Variants in FARS2 observed in about 807,000 individuals in gnomAD.
FARS2 encodes phenylalanyl-tRNA synthetase 2, mitochondrial.
In FARS2, 40 loss-of-function variants were observed where a neutral mutation model predicts 46.4. The ratio of observed to expected loss-of-function variants is 0.86; its 90% CI spans 0.67 to 1.12. FARS2 has a LOEUF of 1.12. FARS2 is among the 50% of genes most tolerant of loss of function. The pLI is 0.00. For missense variants in FARS2, 513 were observed against 567.9 expected (o/e 0.90, Z 0.98); for synonymous variants, 234 against 214.9 (o/e 1.09, Z -0.78).
chr6:5,544,057 T>G (rs1200785870), intron 4 of FARS2, among the ~76,000 whole-genome samples: 2 of 152,276 alleles, frequency 1.3e-5, no homozygotes, highest in East Asian at 3.9e-4. Flanking sequence ...ACTCTGAAGC[T>G]GGGGTGCTAT....
At chr6:5,482,269 T>C (rs1384365891) in intron 4 of FARS2, among the ~76,000 whole-genome samples, 1 of 152,202 alleles carries the variant, frequency 6.6e-6, no homozygotes, top group Non-Finnish European at 1.5e-5. Flanking sequence ...TATCTTTCAA[T>C]TATTTTGGCA....
intron 4 of FARS2, among the ~76,000 whole-genome samples, chr6:5,497,364 G>C (rs757200101): frequency 5.3e-5 from 8 of 152,174 alleles, no homozygotes; most frequent in Admixed American, 1.3e-4. Context: ...CAGCATCGTT[G>C]CAACTCTGTT....
intron 2 of FARS2, among the ~76,000 whole-genome samples, chr6:5,397,835 A>G (rs1175966463): frequency 1.3e-5 from 2 of 152,212 alleles, no homozygotes; most frequent in African/African-American, 4.8e-5. Context: ...TGTATTTGAA[A>G]GGTACTGGCC....
At position 5,386,282 on chromosome 6, in the gene FARS2, G is replaced by A. The variant is rs567805553; in HGVS notation, c.612+17100G>A. ...TATGAAGGTGACGAGTCCCCGGAAT[G>A]TGTAGTGTGGAGCGTGGCACATTGG... On this transcript the variant is annotated intron_variant, in intron 2 of 6. Coordinates refer to ENST00000274680, the MANE Select transcript of FARS2 (RefSeq NM_006567.5). Among the ~76,000 whole-genome samples the A allele has an allele frequency of 8.5e-5, 13 of 152,318 alleles. No homozygotes were observed. In the South Asian group the frequency reaches 2.5e-3, roughly 29 times the overall value.
chr6:5,366,217 T>G lies in FARS2; in HGVS notation c.-21-2333T>G, dbSNP rs138493147. Among the ~76,000 whole-genome samples the G allele has an allele frequency of 6.4e-3, 975 of 152,336 alleles. 12 individuals are homozygous for G. The highest frequency in any genetic ancestry group is 0.043 in the South Asian group (208 of 4,822). On this transcript the variant is annotated intron_variant, in intron 1 of 6. Transcript: ENST00000274680. The stretch of plus-strand genomic sequence containing the variant: ...TTACGTGATCTTTTTGAGCTTTATA[T>G]TCTTTGTTGGTAAAGTGGTACGAAC...
chr6:5,750,163 A>G (rs901405652), intron 6 of FARS2, among the ~76,000 whole-genome samples: 3 of 152,116 alleles, frequency 2.0e-5, no homozygotes, highest in African/African-American at 7.2e-5. Flanking sequence ...CAGCATGGCA[A>G]TGCCAGGGGA....
intron 6 of FARS2, among the ~76,000 whole-genome samples, chr6:5,661,712 A>T (rs1414526047): frequency 6.6e-6 from 1 of 152,182 alleles, no homozygotes; most frequent in Non-Finnish European, 1.5e-5. Flanking sequence ...CAGAAGCAAG[A>T]TTAGATAGAG....
intron 4 of FARS2, among the ~76,000 whole-genome samples, chr6:5,509,556 G>A (rs1164838562): frequency 6.6e-6 from 1 of 152,178 alleles, no homozygotes; most frequent in East Asian, 1.9e-4. Context: ...GCAGGAAAAT[G>A]GGTTCTTAAG....
At chr6:5,434,628 G>A (rs533623314) in intron 4 of FARS2, among the ~76,000 whole-genome samples, 2 of 152,290 alleles carry the variant, frequency 1.3e-5, no homozygotes, top group East Asian at 1.9e-4. Flanking sequence ...ATTTGTAAGT[G>A]CAGCTAAATT....
intron 4 of FARS2, among the ~76,000 whole-genome samples, chr6:5,496,479 C>T (rs959246083): frequency 1.3e-5 from 2 of 152,134 alleles, no homozygotes; most frequent in Admixed American, 1.3e-4. Context: ...GCTACGGGTG[C>T]CATAACAAAT....
chr6:5,546,336 C>T (rs528406622), intron 5 of FARS2, among the ~76,000 whole-genome samples: 11 of 149,842 alleles, frequency 7.3e-5, no homozygotes, highest in South Asian at 6.4e-4. Flanking sequence ...CTGCAACCTG[C>T]GCCTCCTGGG....
intron 5 of FARS2, chr6:5,609,593 A>G (rs1775057884): frequency 5.5e-6 from 7 of 1,273,240 alleles, no homozygotes; most frequent in African/African-American, 1.5e-5. Context: ...CAAAGTTTCC[A>G]GAACCACTTC....
intron 5 of FARS2, among the ~76,000 whole-genome samples, chr6:5,547,740 G>C (rs924234596): frequency 6.6e-6 from 1 of 152,224 alleles, no homozygotes; most frequent in Non-Finnish European, 1.5e-5. Context: ...CCCATGCTTG[G>C]CTGACGCAAG....
intron 1 of FARS2, among the ~76,000 whole-genome samples, chr6:5,316,123 T>G (rs1245740073): frequency 1.3e-5 from 2 of 152,232 alleles, no homozygotes; most frequent in Non-Finnish European, 2.9e-5. Flanking sequence ...AAAGGATCGT[T>G]GTAATCAAAA....
chr6:5,758,534 T>G (rs11963313), intron 6 of FARS2, among the ~76,000 whole-genome samples: 1,627 of 152,322 alleles, frequency 0.011, 34 homozygotes, highest in African/African-American at 0.036. Context: ...CTCACTTCTC[T>G]TACAAAGAGG....
At chr6:5,549,160 A>G (rs1035741475) in intron 5 of FARS2, among the ~76,000 whole-genome samples, 1 of 147,734 alleles carries the variant, frequency 6.8e-6, no homozygotes, top group Admixed American at 6.8e-5. Context: ...GGGGGAATCC[A>G]CCTTCTTGAC....
At chr6:5,485,595 A>G (rs1347972261) in intron 4 of FARS2, among the ~76,000 whole-genome samples, 7 of 152,180 alleles carry the variant, frequency 4.6e-5, no homozygotes, top group Admixed American at 4.6e-4. Flanking sequence ...AAAGAGCCTG[A>G]TAGTAAATAC....
intron 6 of FARS2, among the ~76,000 whole-genome samples, chr6:5,671,821 C>T (rs538489680): frequency 7.9e-5 from 12 of 152,218 alleles, no homozygotes; most frequent in African/African-American, 2.4e-4. Flanking sequence ...ATCGCATCAA[C>T]GCGGGGAGGT....
intron 5 of FARS2, among the ~76,000 whole-genome samples, chr6:5,561,570 T>A (rs1771987920): frequency 6.6e-6 from 1 of 152,200 alleles, no homozygotes; most frequent in South Asian, 2.1e-4. Context: ...TTATTTTGAG[T>A]GATGTTTCAG....
Sources: gnomAD v4.1 joint callset for allele counts (sites outside exome capture counted in the v4.1 genomes callset) on GRCh38, gnomAD v4.1.1 for gene constraint, MANE v1.5 for transcripts, NCBI Gene and HGNC (gene_info 2026-07-23, HGNC 2026-07-21) for gene names.